The following CTNNA2 variants were observed in gnomAD, a reference collection of about 807,000 sequenced individuals.
The protein encoded by CTNNA2 is catenin alpha 2, also known as catenin alpha-2.
CTNNA2 carries 42 observed loss-of-function variants against 101.0 expected under a neutral mutation model. The ratio of observed to expected loss-of-function variants is 0.42; its 90% confidence interval spans 0.32 to 0.54. The LOEUF (loss-of-function observed/expected upper bound fraction) is 0.54, where lower values mean the gene tolerates loss of function less well. Among genes scored for constraint, CTNNA2 ranks in the 20% least tolerant of loss-of-function variants. The pLI is 0.14. For missense variants in CTNNA2, 871 were observed against 1,223.1 expected (o/e 0.71, Z 4.29); for synonymous variants, 450 against 456.4 (o/e 0.99, Z 0.18).
intron 3 of CTNNA2, among the ~76,000 whole-genome samples, chr2:79,754,583 T>C (rs972117741): frequency 6.6e-6 from 1 of 152,128 alleles, no homozygotes; most frequent in Non-Finnish European, 1.5e-5. Flanking sequence ...GGGGTCAGCC[T>C]CTCTAAAAAC....
At chr2:79,481,323 C>G (rs1172235206) in intron 4 of CTNNA2, among the ~76,000 whole-genome samples, 1 of 152,118 alleles carries the variant, frequency 6.6e-6, no homozygotes, top group East Asian at 1.9e-4. Context: ...AAAAGATGCT[C>G]TGTTTCTCCT....
chr2:80,300,405 G>T (rs114769321), intron 7 of CTNNA2, among the ~76,000 whole-genome samples: 2,700 of 151,408 alleles, frequency 0.018, 89 homozygotes, highest in African/African-American at 0.062. Context: ...GAGACTCTTA[G>T]AAATACTATT....
intron 7 of CTNNA2, chr2:80,288,837 G>C (rs1181930133): frequency 1.3e-5 from 2 of 152,176 alleles, no homozygotes; most frequent in Non-Finnish European, 2.9e-5. Flanking sequence ...GTTCTTTGGG[G>C]TTGGTGGCCC....
At chr2:80,321,513 TC>T (rs1226011797) in intron 7 of CTNNA2, among the ~76,000 whole-genome samples, 3 of 152,248 alleles carry the variant, frequency 2.0e-5, no homozygotes, top group Non-Finnish European at 2.9e-5. Context: ...ATCTGTTATT[TC>T]TTTATTGAAC....
intron 4 of CTNNA2, among the ~76,000 whole-genome samples, chr2:79,469,011 G>A (rs1334502280): frequency 4.0e-5 from 6 of 149,782 alleles, no homozygotes; most frequent in South Asian, 4.3e-4. Flanking sequence ...CTAGCAGAAG[G>A]CAAGAAATAA....
At chr2:80,558,444 G>T (rs1482986326) in intron 12 of CTNNA2, among the ~76,000 whole-genome samples, 14 of 5,998 alleles carry the variant, frequency 2.3e-3, no homozygotes, top group African/African-American at 2.7e-3. Flanking sequence ...AGTTTTGTTG[G>T]TGTGTGTGTG....
intron 7 of CTNNA2, among the ~76,000 whole-genome samples, chr2:80,279,362 G>A (rs1674185077): frequency 6.6e-6 from 1 of 152,064 alleles, no homozygotes; most frequent in Non-Finnish European, 1.5e-5. Flanking sequence ...GACACGTTGA[G>A]TGTCTTCTCC....
At chr2:79,916,529 CCCCTCCCCTCCCCT>C in intron 7 of CTNNA2, among the ~76,000 whole-genome samples, 1 of 4,308 alleles carries the variant, frequency 2.3e-4, no homozygotes. Flanking sequence ...CCCCTCCCCT[CCCCTCCCCTCCCCT>C]CCCCTCCCCT....
intron 1 of CTNNA2, among the ~76,000 whole-genome samples, chr2:79,599,958 T>A (rs1677443465): frequency 6.6e-6 from 1 of 151,658 alleles, no homozygotes; most frequent in Non-Finnish European, 1.5e-5. Context: ...CTTGAGGGAG[T>A]AGAACAGAGA....
intron 1 of CTNNA2, among the ~76,000 whole-genome samples, chr2:79,531,549 C>T (rs1672744020): frequency 6.6e-6 from 1 of 152,094 alleles, no homozygotes; most frequent in Non-Finnish European, 1.5e-5. Context: ...TGCAATAATA[C>T]ACAGCAGGGT....
intron 9 of CTNNA2, among the ~76,000 whole-genome samples, chr2:80,514,100 C>T (rs1326724118): frequency 6.6e-6 from 1 of 152,260 alleles, no homozygotes; most frequent in East Asian, 1.9e-4. Flanking sequence ...TTTAGGCACT[C>T]ACTGTGTTAG....
intron 18 of CTNNA2, among the ~76,000 whole-genome samples, chr2:80,638,484 A>T (rs1430292379): frequency 1.3e-5 from 2 of 152,156 alleles, no homozygotes; most frequent in African/African-American, 4.8e-5. Context: ...AGGAAAGAGT[A>T]AGTATAGGAA....
intron 3 of CTNNA2, among the ~76,000 whole-genome samples, chr2:79,775,984 C>T (rs956218890): frequency 4.6e-5 from 7 of 152,184 alleles, no homozygotes; most frequent in African/African-American, 1.4e-4. Flanking sequence ...CATCTAACTT[C>T]ATACCCTGAC....
chr2:80,457,214 C>T (rs966887006), intron 9 of CTNNA2, among the ~76,000 whole-genome samples: 1 of 151,964 alleles, frequency 6.6e-6, no homozygotes, highest in African/African-American at 2.4e-5. Flanking sequence ...CAGGTGCCCA[C>T]CACCGCACCC....
chr2:80,618,250 G>T (rs1470715110), intron 17 of CTNNA2, among the ~76,000 whole-genome samples: 1 of 151,824 alleles, frequency 6.6e-6, no homozygotes, highest in Non-Finnish European at 1.5e-5. Flanking sequence ...GCATCACTGG[G>T]TCATGTAACT....
In CTNNA2 at chr2:79,744,412, A is replaced by G; in HGVS notation, c.128A>G (p.Asn43Ser). The G allele has an allele frequency of 6.2e-7, 1 of 1,613,554 alleles. No homozygotes were observed. The highest frequency in any genetic ancestry group is 8.5e-7 in the Non-Finnish European group (1 of 1,179,820). Residue 43 changes from asparagine to serine, a missense_variant, in exon 3 of 19, where the codon AAC (asparagine) becomes AGC (serine). By Grantham distance (46) the Asn-to-Ser change is conservative. Transcript: ENST00000402739. ...TQVTTLVNTS[N>S]KGPSGKKKGR... ...GTGACTACACTTGTCAACACAAGCA[A>G]CAAAGGCCCATCTGGTAAAAAGAAA...
At chr2:79,992,164 A>G (rs964513944) in intron 7 of CTNNA2, among the ~76,000 whole-genome samples, 4 of 152,188 alleles carry the variant, frequency 2.6e-5, no homozygotes, top group African/African-American at 9.6e-5. Context: ...CAAACCTTGA[A>G]GGTGAGGGCA....
intron 7 of CTNNA2, among the ~76,000 whole-genome samples, chr2:79,946,030 G>A (rs193173969): frequency 1.6e-4 from 25 of 152,156 alleles, no homozygotes; most frequent in Admixed American, 5.2e-4. Flanking sequence ...TACATGAAAA[G>A]GTAAGAAAGA....
chr2:79,795,058 G>A (rs1470996834), intron 3 of CTNNA2, among the ~76,000 whole-genome samples: 1 of 152,172 alleles, frequency 6.6e-6, no homozygotes, highest in Non-Finnish European at 1.5e-5. Context: ...ATCTTGACAA[G>A]CATACTGTCA....
Sources: allele counts gnomAD v4.1 joint callset (sites outside exome capture counted in the v4.1 genomes callset), GRCh38; gene constraint gnomAD v4.1.1; transcripts MANE v1.5; gene names NCBI Gene and HGNC (gene_info 2026-07-23, HGNC 2026-07-21).